Variants in CUTC observed in about 807,000 individuals in gnomAD.
CUTC encodes cutC copper transporter, also known as copper homeostasis protein cutC homolog.
A neutral mutation model predicts 36.2 loss-of-function variants in CUTC; 27 were observed. The observed-to-expected ratio is 0.75, with a 90% CI of 0.55 to 1.03. The LOEUF is 1.03. Ranked by LOEUF, CUTC falls within the 50% of genes least tolerant of loss-of-function variation. The probability of loss-of-function intolerance (pLI) is 0.00; values close to 1 mark genes in which losing one functional copy is unlikely to be tolerated. For synonymous variants in CUTC, 114 were observed against 118.3 expected (o/e 0.96, Z 0.24); for missense variants, 315 against 343.5 (o/e 0.92, Z 0.66).
At chr10:99,750,787 A>G (rs997458246) in intron 7 of CUTC, among the ~76,000 whole-genome samples, 12 of 152,314 alleles carry the variant, frequency 7.9e-5, no homozygotes, top group African/African-American at 2.9e-4. Flanking sequence ...GGGTTTAAGC[A>G]AAGGTTTAGG....
rs931378225 is a variant in CUTC at position 99,756,003 on chromosome 10, G to C, written c.*264G>C. 1 of 345,520 alleles carries C rather than the reference G, an allele frequency of 2.9e-6. No homozygotes were observed. 21.4% of individuals were successfully genotyped at this position (345,520 alleles called of 1,614,324 possible). On this transcript the variant is annotated 3_prime_UTR_variant, in exon 9 of 9. Coordinates refer to ENST00000370476, the MANE Select transcript of CUTC (RefSeq NM_015960.3). ...TCTTCCATAGACAGAAGCTTAGTCTGTTTTCAGTGGAATTAATTGATGAAC... is the reference window on the plus strand; with the variant it reads ...TCTTCCATAGACAGAAGCTTAGTCTCTTTTCAGTGGAATTAATTGATGAAC...
At chr10:99,752,307 G>A (rs117801009) in intron 7 of CUTC, among the ~76,000 whole-genome samples, 94 of 151,880 alleles carry the variant, frequency 6.2e-4, no homozygotes, top group Non-Finnish European at 1.1e-3. Flanking sequence ...TCTTGAGCCC[G>A]AGGTCAAGGC....
In CUTC at chr10:99,732,427, G is replaced by A. The variant is rs1180950861; in HGVS notation, c.61+18G>A. 1 of 1,549,846 alleles carries A rather than the reference G, an allele frequency of 6.5e-7. No individual in the cohort carries two copies. Among genetic ancestry groups the A allele is most frequent in the Non-Finnish European group, 8.7e-7 (1 of 1,146,892 alleles). ...GAAGGCCGGTGCGGAAGGTGGCGGGGGAGGGGACGGTCGGCCGAAGGCTCC... is the reference window on the plus strand; with the variant it reads ...GAAGGCCGGTGCGGAAGGTGGCGGGAGAGGGGACGGTCGGCCGAAGGCTCC... On this transcript the variant is annotated intron_variant, in intron 1 of 8. Coordinates refer to ENST00000370476, the MANE Select transcript of CUTC (RefSeq NM_015960.3).
chr10:99,744,314 G>T (rs969459233), intron 5 of CUTC, among the ~76,000 whole-genome samples: 1 of 152,082 alleles, frequency 6.6e-6, no homozygotes, highest in Non-Finnish European at 1.5e-5. Flanking sequence ...GAGAGCGAGG[G>T]AGAGAGCAAG....
In CUTC at chr10:99,750,751, G is replaced by T. The variant is rs564940861; in HGVS notation, c.601+355G>T. Among the ~76,000 whole-genome samples the T allele has an allele frequency of 2.6e-5, 4 of 152,224 alleles. No homozygotes were observed. The East Asian group carries it at 7.7e-4, about 29-fold the overall frequency. On this transcript the variant is annotated intron_variant, in intron 7 of 8. Transcript: ENST00000370476. ...TCAAATTTGATGCTAATCATATTTT[G>T]TTTAGGACAAATGTCCTAATAAACA... is the stretch of plus-strand genomic sequence containing the variant.
chr10:99,750,420 C>A, intron 7 of CUTC, 24 bp downstream of exon 7: 2 of 1,579,398 alleles, frequency 1.3e-6, no homozygotes, highest in Non-Finnish European at 1.7e-6. Flanking sequence ...TATCAATTCA[C>A]TAGCATAACA....
chr10:99,735,101 CAAAAAAAAAAAA>C (rs56971127), intron 1 of CUTC, among the ~76,000 whole-genome samples: 1 of 68,770 alleles, frequency 1.5e-5, no homozygotes, highest in Non-Finnish European at 2.5e-5. Context: ...GACTCTGTAT[CAAAAAAAAAAAA>C]AAAAAAAAAA....
At chr10:99,743,103 A>G (rs376032845) in intron 3 of CUTC, 50 bp from the exon 4 acceptor site, 3 of 1,563,346 alleles carry the variant, frequency 1.9e-6, no homozygotes, top group Non-Finnish European at 2.6e-6. Flanking sequence ...ATAATATATC[A>G]TTGGCTTTTA....
At position 99,732,275 on chromosome 10, in the gene CUTC, T is replaced by G; in HGVS notation, c.-74T>G. The G allele has an allele frequency of 6.5e-7, 1 of 1,545,686 alleles. No individual in the cohort carries two copies. The highest frequency in any genetic ancestry group is 8.7e-7 in the Non-Finnish European group (1 of 1,144,582). On this transcript the variant is annotated 5_prime_UTR_variant, in exon 1 of 9. Coordinates refer to ENST00000370476, the MANE Select transcript of CUTC (RefSeq NM_015960.3). ...CGGGCGCGCGCAGCTGTTGACGCGC[T>G]TCTTAGCTGGTGCGCGCCGGAGCCC...
intron 3 of CUTC, among the ~76,000 whole-genome samples, chr10:99,741,870 C>A (rs551808642): frequency 6.6e-6 from 1 of 152,284 alleles, no homozygotes; most frequent in Non-Finnish European, 1.5e-5. Flanking sequence ...CCGTACCAAG[C>A]CTATCTTTTT....
chr10:99,753,473 A>G (rs778200045), intron 7 of CUTC, among the ~76,000 whole-genome samples: 12 of 152,176 alleles, frequency 7.9e-5, no homozygotes, highest in Non-Finnish European at 1.6e-4. Context: ...GCAGTGGTGC[A>G]GTCTCAGCTT....
At chr10:99,750,601 T>C (rs1277108114) in intron 7 of CUTC, among the ~76,000 whole-genome samples, 2 of 152,172 alleles carry the variant, frequency 1.3e-5, no homozygotes, top group Non-Finnish European at 2.9e-5. Context: ...AAGGAAAATA[T>C]TGTAATAGGC....
intron 2 of CUTC, 90 bp downstream of exon 2, chr10:99,736,407 A>T (rs1239662801): frequency 5.5e-6 from 5 of 904,954 alleles, no homozygotes; most frequent in Non-Finnish European, 7.2e-6. Context: ...AGCCCTTGTG[A>T]TCTCTAAGCA....
intron 3 of CUTC, 40 bp from the exon 4 acceptor site, chr10:99,743,113 A>G (rs1385383549): frequency 1.9e-6 from 3 of 1,587,512 alleles, no homozygotes; most frequent in African/African-American, 2.7e-5. Context: ...ATTGGCTTTT[A>G]GCTCACATTT....
intron 5 of CUTC, 96 bp downstream of exon 5, chr10:99,744,168 G>A: frequency 1.1e-6 from 1 of 941,856 alleles, no homozygotes; most frequent in Non-Finnish European, 1.6e-6. Context: ...ATTCTGTAGT[G>A]TTCCAAGGTT....
At chr10:99,745,255 G>A (rs924806954) in intron 5 of CUTC, among the ~76,000 whole-genome samples, 1 of 152,182 alleles carries the variant, frequency 6.6e-6, no homozygotes, top group Non-Finnish European at 1.5e-5. Context: ...TTCAAAATTT[G>A]TAGAATTTTT....
rs752147953 is a variant in CUTC at position 99,739,705 on chromosome 10, TACA to T, written c.134-4_134-2del. The T allele has an allele frequency of 1.2e-6, 2 of 1,609,724 alleles. No individual in the cohort carries two copies. The highest frequency in any genetic ancestry group is 1.1e-5 in the South Asian group (1 of 89,998). On this transcript the variant is annotated splice_acceptor_variant and splice_polypyrimidine_tract_variant and intron_variant, in intron 2 of 8. Transcript: ENST00000370476. LOFTEE classifies it high-confidence loss of function. ...AATGTGTTGAGCAATGCTTTTATAT[TACA>T]GGTGCTGATCGGATTGAATTATGTT...
chr10:99,746,094 C>T (rs924456483), intron 5 of CUTC, among the ~76,000 whole-genome samples: 9 of 152,226 alleles, frequency 5.9e-5, no homozygotes, highest in Non-Finnish European at 1.2e-4. Context: ...CTGCCTATCA[C>T]ATTTAAAATT....
At chr10:99,754,703 A>G in intron 8 of CUTC, 69 bp downstream of exon 8, 1 of 1,083,558 alleles carries the variant, frequency 9.2e-7, no homozygotes, top group Non-Finnish European at 1.4e-6. Context: ...AAATAGAAAA[A>G]CTTTGGATGG....
Sources: gnomAD v4.1 joint callset for allele counts (sites outside exome capture counted in the v4.1 genomes callset) on GRCh38, gnomAD v4.1.1 for gene constraint, MANE v1.5 for transcripts, NCBI Gene and HGNC (gene_info 2026-07-23, HGNC 2026-07-21) for gene names.